KCNH8: variants seen among roughly 807,000 people sequenced by gnomAD.
KCNH8 encodes the protein voltage-gated delayed rectifier potassium channel KCNH8.
In KCNH8, 70 loss-of-function variants were observed where a neutral mutation model predicts 103.6. The ratio of observed to expected loss-of-function variants is 0.68; its 90% CI spans 0.56 to 0.82. The LOEUF (loss-of-function observed/expected upper bound fraction) is 0.82. Ranked by LOEUF, KCNH8 falls within the 40% of genes least tolerant of loss-of-function variation. The pLI is 0.00. For missense variants in KCNH8, 1,217 were observed against 1,329.9 expected (o/e 0.92, Z 1.32); for synonymous variants, 498 against 489.4 (o/e 1.02, Z -0.23).
intron 5 of KCNH8, among the ~76,000 whole-genome samples, chr3:19,363,423 T>C (rs943640537): frequency 6.6e-6 from 1 of 152,154 alleles, no homozygotes; most frequent in Non-Finnish European, 1.5e-5. Context: ...GGACTTCCAG[T>C]AACACAGTCT....
intron 5 of KCNH8, among the ~76,000 whole-genome samples, chr3:19,355,801 G>A (rs181527028): frequency 6.6e-6 from 1 of 152,066 alleles, no homozygotes; most frequent in Non-Finnish European, 1.5e-5. Flanking sequence ...GTTAATGGGT[G>A]CAGCACACCA....
At chr3:19,532,686 C>T (rs188022562) in intron 15 of KCNH8, among the ~76,000 whole-genome samples, 6 of 152,310 alleles carry the variant, frequency 3.9e-5, no homozygotes, top group Admixed American at 2.6e-4. Flanking sequence ...CCCATTCATC[C>T]AGGGGAAGCG....
At chr3:19,317,469 C>T (rs2065288637) in intron 3 of KCNH8, among the ~76,000 whole-genome samples, 1 of 151,836 alleles carries the variant, frequency 6.6e-6, no homozygotes, top group African/African-American at 2.4e-5. Context: ...ACTAGGTGTT[C>T]ATTGTCATGT....
chr3:19,216,367 C>A (rs980580573), intron 1 of KCNH8, among the ~76,000 whole-genome samples: 11 of 152,180 alleles, frequency 7.2e-5, no homozygotes, highest in Admixed American at 2.6e-4. Flanking sequence ...GTGTATTTTG[C>A]AGGTAACTTT....
chr3:19,191,650 T>C (rs1251991438), intron 1 of KCNH8, among the ~76,000 whole-genome samples: 1 of 151,788 alleles, frequency 6.6e-6, no homozygotes, highest in Non-Finnish European at 1.5e-5. Context: ...ATCTAATCAA[T>C]ACACCTTTTA....
At chr3:19,425,814 G>A (rs1420152062) in intron 7 of KCNH8, among the ~76,000 whole-genome samples, 1 of 152,206 alleles carries the variant, frequency 6.6e-6, no homozygotes, top group Non-Finnish European at 1.5e-5. Context: ...TTCAGAAAAG[G>A]AAAAGCAGGC....
intron 1 of KCNH8, among the ~76,000 whole-genome samples, chr3:19,198,197 A>G (rs1171287595): frequency 1.3e-5 from 2 of 152,150 alleles, no homozygotes; most frequent in South Asian, 2.1e-4. Context: ...AACACCCAGT[A>G]CAGAAAAATT....
intron 1 of KCNH8, among the ~76,000 whole-genome samples, chr3:19,174,062 C>G (rs1038201892): frequency 6.6e-6 from 1 of 151,340 alleles, no homozygotes; most frequent in Non-Finnish European, 1.5e-5. Flanking sequence ...TTGGCCACTC[C>G]CACTCTACAC....
chr3:19,458,249 T>A (rs1322733562), intron 11 of KCNH8, among the ~76,000 whole-genome samples: 1 of 151,824 alleles, frequency 6.6e-6, no homozygotes, highest in Non-Finnish European at 1.5e-5. Context: ...TCATGTCTTT[T>A]AAAAAAAATC....
chr3:19,455,939 G>T (rs1369695855), intron 10 of KCNH8, among the ~76,000 whole-genome samples: 1 of 152,012 alleles, frequency 6.6e-6, no homozygotes, highest in Non-Finnish European at 1.5e-5. Flanking sequence ...TTAAAAATTT[G>T]CTGTATTCAA....
chr3:19,266,598 C>T (rs1166943069), intron 2 of KCNH8, among the ~76,000 whole-genome samples: 1 of 152,014 alleles, frequency 6.6e-6, no homozygotes, highest in African/African-American at 2.4e-5. Context: ...GACATTGGTA[C>T]CATATTAATC....
chr3:19,417,229 T>TGA (rs1491202284), intron 7 of KCNH8, among the ~76,000 whole-genome samples: 1 of 148,264 alleles, frequency 6.7e-6, no homozygotes, highest in Non-Finnish European at 1.5e-5. Flanking sequence ...TATGTGTGTG[T>TGA]ATATATATAT....
intron 1 of KCNH8, among the ~76,000 whole-genome samples, chr3:19,173,920 G>A (rs1326140228): frequency 1.3e-5 from 2 of 151,084 alleles, no homozygotes. Context: ...ACATCTGACT[G>A]TTCTCACAGG....
chr3:19,364,802 G>A (rs999555954), intron 5 of KCNH8, among the ~76,000 whole-genome samples: 19 of 152,014 alleles, frequency 1.2e-4, no homozygotes, highest in Admixed American at 1.1e-3. Flanking sequence ...GATTAAAATT[G>A]CATTTGTTTT....
Position 19,464,764 on chromosome 3 carries a change from TTATCCAAATGGCA to T in KCNH8, c.2040+7795_2040+7807del, listed in dbSNP as rs1330410783. On this transcript the variant is annotated intron_variant, in intron 11 of 15. Transcript: ENST00000328405. ...CTGATATCCAAATGGCCACTTGCCA[TTATCCAAATGGCA>T]TATCCAAATGGCCAACAGTTTGATC... 1.4e-4 allele frequency among the ~76,000 whole-genome samples: 22 copies of T among 152,250 alleles called. 1 individual carries two copies. In the South Asian group the frequency reaches 4.1e-3, roughly 29 times the overall value.
At chr3:19,514,929 CATAT>C (rs1467719758) in intron 13 of KCNH8, among the ~76,000 whole-genome samples, 1 of 151,300 alleles carries the variant, frequency 6.6e-6, no homozygotes, top group East Asian at 1.9e-4. Flanking sequence ...TTGTGAGCTA[CATAT>C]ATACTTTTAA....
intron 11 of KCNH8, among the ~76,000 whole-genome samples, chr3:19,489,013 G>A (rs1416242984): frequency 6.6e-6 from 1 of 152,142 alleles, no homozygotes. Context: ...ACAAAGGCAC[G>A]CCTTTCCACC....
intron 8 of KCNH8, 98 bp from the exon 9 acceptor site, chr3:19,450,008 T>C: frequency 1.0e-6 from 1 of 964,724 alleles, no homozygotes; most frequent in East Asian, 2.7e-5. Context: ...AACCATGCTC[T>C]GCTCTGCTCT....
intron 10 of KCNH8, among the ~76,000 whole-genome samples, chr3:19,452,124 C>A (rs2067457640): frequency 6.6e-6 from 1 of 152,132 alleles, no homozygotes; most frequent in South Asian, 2.1e-4. Flanking sequence ...GTGGCTCATG[C>A]CTGTAATCCT....
Sources: gnomAD v4.1 joint callset for allele counts (sites outside exome capture counted in the v4.1 genomes callset) on GRCh38, gnomAD v4.1.1 for gene constraint, MANE v1.5 for transcripts, NCBI Gene and HGNC (gene_info 2026-07-23, HGNC 2026-07-21) for gene names.